ARSG: variants seen among roughly 807,000 people sequenced by gnomAD.
ARSG encodes the protein arylsulfatase G, also known as ASG.
A neutral mutation model predicts 50.5 loss-of-function variants in ARSG; 37 were observed. The observed-to-expected ratio is 0.73, with a 90% CI of 0.56 to 0.96. The LOEUF (loss-of-function observed/expected upper bound fraction) is 0.96. Among genes scored for constraint, ARSG ranks in the 50% least tolerant of loss-of-function variants. The pLI is 0.00. For missense variants in ARSG, 629 were observed against 675.3 expected, an observed-to-expected ratio of 0.93 and a Z score of 0.76; for synonymous variants, 225 against 254.6, an observed-to-expected ratio of 0.88 and a Z score of 1.11.
At chr17:68,273,305 C>T (rs1370092161) in intron 1 of ARSG, among the ~76,000 whole-genome samples, 1 of 151,886 alleles carries the variant, frequency 6.6e-6, no homozygotes, top group African/African-American at 2.4e-5. Context: ...ACCTCCCAGG[C>T]TCAAGTGATC....
At chr17:68,365,428 G>A (rs2079500668) in intron 6 of ARSG, among the ~76,000 whole-genome samples, 1 of 152,208 alleles carries the variant, frequency 6.6e-6, no homozygotes, top group Admixed American at 6.5e-5. Context: ...CAGAGGTTAA[G>A]TTAATTGTCC....
chr17:68,319,656 T>C (rs1333615244), intron 2 of ARSG, among the ~76,000 whole-genome samples: 4 of 152,178 alleles, frequency 2.6e-5, no homozygotes, highest in African/African-American at 9.7e-5. Flanking sequence ...AATACAGTCA[T>C]TCAACAGTGA....
At chr17:68,426,243 GGGGAGC>G, downstream of ARSG, 5 of 935,360 alleles carry the variant, frequency 5.3e-6, no homozygotes, top group Non-Finnish European at 7.9e-6. Flanking sequence ...CCTGGCGGGT[GGGGAGC>G]GGGGGCTCAA....
intron 6 of ARSG, among the ~76,000 whole-genome samples, chr17:68,365,523 C>T (rs1283426325): frequency 6.6e-6 from 1 of 152,162 alleles, no homozygotes; most frequent in Non-Finnish European, 1.5e-5. Flanking sequence ...CTGTGCTCTG[C>T]CATCTCTCAT....
intron 8 of ARSG, among the ~76,000 whole-genome samples, chr17:68,372,290 A>G (rs914232533): frequency 2.9e-5 from 4 of 138,274 alleles, no homozygotes; most frequent in African/African-American, 9.9e-5. Context: ...CTATCTATCA[A>G]TTGATCGATC....
At chr17:68,290,455 G>A (rs1196750303), upstream of ARSG, among the ~76,000 whole-genome samples, 2 of 152,238 alleles carry the variant, frequency 1.3e-5, no homozygotes, top group African/African-American at 2.4e-5. Flanking sequence ...CGGGAACCTT[G>A]AAGTTGCGCG....
intron 1 of ARSG, chr17:68,259,535 AAATAT>A (rs2075040954): frequency 6.6e-6 from 1 of 152,212 alleles, no homozygotes; most frequent in South Asian, 2.1e-4. Context: ...CGTCCAACAA[AAATAT>A]AATACAAGCC....
At position 68,307,591 on chromosome 17, in the gene ARSG, G is replaced by A. The variant is rs1257092586; in HGVS notation, c.98G>A (p.Gly33Glu). 1.1e-5 allele frequency: 17 copies of A among 1,613,992 alleles called. No homozygotes were observed. The highest frequency in any genetic ancestry group is 1.3e-5 in the Non-Finnish European group (15 of 1,179,990). Residue 33 changes from glycine to glutamate, a missense_variant, in exon 2 of 12, where the codon GGA (glycine) becomes GAA (glutamate). Gly to Glu is a moderately conservative substitution (Grantham distance 98). Transcript: ENST00000621439. ...VDFCISGKTR[G>E]QKPNFVIILA... ...TTTTGCATCAGTGGGAAAACAAGAG[G>A]ACAGAAGCCAAACTTTGTGATTATT... is the stretch of plus-strand genomic sequence containing the variant.
chr17:68,338,051 T>G (rs755107119), intron 2 of ARSG, among the ~76,000 whole-genome samples: 32 of 152,130 alleles, frequency 2.1e-4, no homozygotes, highest in Admixed American at 1.3e-4. Context: ...TCTAGATGGT[T>G]TTTAGGGTAT....
At chr17:68,309,359 C>T (rs2076752052) in intron 2 of ARSG, among the ~76,000 whole-genome samples, 1 of 152,244 alleles carries the variant, frequency 6.6e-6, no homozygotes, top group African/African-American at 2.4e-5. Flanking sequence ...GGGGATCCTA[C>T]AGTGCAGCGG....
At chr17:68,379,830 T>C (rs2146935133) in intron 8 of ARSG, 2 of 985,434 alleles carry the variant, frequency 2.0e-6, no homozygotes, top group Non-Finnish European at 2.4e-6. Context: ...TGATCTCTGC[T>C]ATTTTCTCCC....
At chr17:68,451,655 T>C in the ARSG span, among the ~76,000 whole-genome samples, 6 of 152,202 alleles carry the variant, frequency 3.9e-5, no homozygotes, top group African/African-American at 1.4e-4. Flanking sequence ...GCTTCAGAAT[T>C]CTTCTTGTCC....
At chr17:68,325,679 A>G (rs941451515) in intron 2 of ARSG, among the ~76,000 whole-genome samples, 40 of 152,162 alleles carry the variant, frequency 2.6e-4, no homozygotes, top group African/African-American at 9.4e-4. Context: ...GAGAGCCTCC[A>G]TTTTTTCCTC....
At chr17:68,366,685 GTGTGTGTGTGTGTGTGTGTGTA>G (rs1265276526) in intron 6 of ARSG, among the ~76,000 whole-genome samples, 2 of 151,834 alleles carry the variant, frequency 1.3e-5, no homozygotes, top group African/African-American at 4.8e-5. Flanking sequence ...GTATGTGTGT[GTGTGTGTGTGTGTGTGTGTGTA>G]TTTTATTGTG....
At chr17:68,442,464 CAA>C in the ARSG span, among the ~76,000 whole-genome samples, 33 of 62,754 alleles carry the variant, frequency 5.3e-4, no homozygotes, top group Middle Eastern at 8.5e-3. Flanking sequence ...GACTGTGTCT[CAA>C]AAAAAAAAAA....
At chr17:68,334,658 G>C (rs934389563) in intron 2 of ARSG, among the ~76,000 whole-genome samples, 4 of 152,092 alleles carry the variant, frequency 2.6e-5, no homozygotes, top group African/African-American at 9.7e-5. Flanking sequence ...AGATGGTCAG[G>C]CTGGGAGGTC....
intron 4 of ARSG, among the ~76,000 whole-genome samples, chr17:68,349,650 G>A (rs535984615): frequency 2.0e-5 from 3 of 152,328 alleles, no homozygotes; most frequent in South Asian, 4.1e-4. Flanking sequence ...TTGGGAGGCC[G>A]AGGCAGGTGG....
chr17:68,347,157 C>A lies in ARSG; in HGVS notation c.439C>A (p.His147Asn). The change falls in exon 4 of 12, where the codon CAC becomes AAC. Residue 147 changes from histidine (H) to asparagine (N), a missense_variant. Physicochemically the swap from His to Asn is moderately conservative, Grantham distance 68 (BLOSUM62 1). Coordinates refer to ENST00000621439, the MANE Select transcript of ARSG (RefSeq NM_001267727.2). Reference protein sequence around the residue: ...KWHLGHHGSYHPNFRGFDYYF... With the variant: ...KWHLGHHGSYNPNFRGFDYYF... ...GCATCTTGGACACCACGGCTCTTAT[C>A]ACCCCAACTTCCGTGGTAAGAATTC... 6.2e-7 allele frequency: 1 copy of A among 1,614,062 alleles called. No homozygotes were observed. The highest frequency in any genetic ancestry group is 8.5e-7 in the Non-Finnish European group (1 of 1,179,958).
chr17:68,347,225 T>C, intron 4 of ARSG, 53 bp downstream of exon 4: 2 of 1,574,520 alleles, frequency 1.3e-6, no homozygotes, highest in Non-Finnish European at 1.7e-6. Context: ...TAAAGGTCTC[T>C]GTGTAAGACT....
Sources: allele counts gnomAD v4.1 joint callset (sites outside exome capture counted in the v4.1 genomes callset), GRCh38; gene constraint gnomAD v4.1.1; transcripts MANE v1.5; gene names NCBI Gene and HGNC (gene_info 2026-07-23, HGNC 2026-07-21).